The following ROPN1 variants were observed in gnomAD, a reference collection of about 807,000 sequenced individuals.
The protein encoded by ROPN1 is ropporin-1A.
In ROPN1, 14 loss-of-function variants were observed where a neutral mutation model predicts 20.5. The observed-to-expected ratio is 0.68, with a 90% CI of 0.45 to 1.07. ROPN1 has a LOEUF of 1.07. Ranked by LOEUF, ROPN1 falls within the 50% of genes least tolerant of loss-of-function variation. The pLI is 0.00. For synonymous variants in ROPN1, 76 were observed against 95.7 expected, an observed-to-expected ratio of 0.79 and a Z score of 1.20; for missense variants, 169 against 242.8, an observed-to-expected ratio of 0.70 and a Z score of 2.02.
At position 123,977,001 on chromosome 3, in the gene ROPN1, A is replaced by G. The variant is rs759973712; in HGVS notation, c.117-20T>C. 2.4e-5 allele frequency: 39 copies of G among 1,600,836 alleles called. No individual in the cohort carries two copies. Among genetic ancestry groups the G allele is most frequent in the Non-Finnish European group, 3.2e-5 (37 of 1,173,074 alleles). ...AAATAACTACAAGAAAAAAAGTCAG[A>G]GAGTAGGAGGATCCTATACACCAGT... On this transcript the variant is annotated intron_variant, in intron 2 of 5. Coordinates refer to ENST00000405845, the MANE Select transcript of ROPN1 (RefSeq NM_001317774.2).
intron 4 of ROPN1, chr3:123,974,979 G>C (rs534656816): frequency 4.2e-6 from 1 of 236,662 alleles, no homozygotes; most frequent in Non-Finnish European, 8.4e-6. Flanking sequence ...CATAGTTTTC[G>C]ATAAGATTGT....
At chr3:123,989,993 A>T (rs1290264830) in intron 1 of ROPN1, among the ~76,000 whole-genome samples, 1 of 152,180 alleles carries the variant, frequency 6.6e-6, no homozygotes, top group Non-Finnish European at 1.5e-5. Flanking sequence ...ATCATTAACA[A>T]TTCTTTATAT....
At chr3:123,986,018 A>AAAAAAAAAAAATAAAAAT (rs201340337) in intron 1 of ROPN1, among the ~76,000 whole-genome samples, 1 of 93,966 alleles carries the variant, frequency 1.1e-5, no homozygotes, top group East Asian at 4.9e-4. Flanking sequence ...AAAAAAAAAA[A>AAAAAAAAAAAATAAAAAT]TCAAAATATT....
chr3:123,975,841 A>C (rs1364004777), intron 3 of ROPN1: 4 of 371,912 alleles, frequency 1.1e-5, no homozygotes, highest in Non-Finnish European at 2.1e-5. Context: ...GTATTCCTAA[A>C]TTGTTTTATT....
chr3:123,979,261 G>A (rs1662436622), intron 2 of ROPN1: 2 of 352,932 alleles, frequency 5.7e-6, no homozygotes, highest in Non-Finnish European at 1.1e-5. Flanking sequence ...CCTCTTAGAT[G>A]CCATTTTGTG....
chr3:123,988,170 G>A (rs1414483836), intron 1 of ROPN1, among the ~76,000 whole-genome samples: 1 of 150,430 alleles, frequency 6.6e-6, no homozygotes, highest in African/African-American at 2.4e-5. Flanking sequence ...TTTTTAGATG[G>A]AGTCTTGCTC....
At chr3:123,982,045 C>T (rs1158352351) in intron 1 of ROPN1, among the ~76,000 whole-genome samples, 1 of 151,866 alleles carries the variant, frequency 6.6e-6, no homozygotes, top group Non-Finnish European at 1.5e-5. Flanking sequence ...CTTAAATGTG[C>T]CAGTTAAAAT....
chr3:123,990,418 T>C (rs1280116423), intron 1 of ROPN1, among the ~76,000 whole-genome samples: 1 of 152,166 alleles, frequency 6.6e-6, no homozygotes, highest in African/African-American at 2.4e-5. Flanking sequence ...GGTACCCTTG[T>C]AGAAATAGAA....
intron 3 of ROPN1, among the ~76,000 whole-genome samples, chr3:123,976,064 C>G (rs1478560267): frequency 6.6e-6 from 1 of 152,122 alleles, no homozygotes; most frequent in African/African-American, 2.4e-5. Context: ...GGTCTGGATG[C>G]CTAATGTTGC....
At chr3:123,979,570 G>A (rs951823684) in intron 2 of ROPN1, 68 of 377,806 alleles carry the variant, frequency 1.8e-4, no homozygotes, top group Admixed American at 2.7e-4. Context: ...TCTGTGCAAA[G>A]CTACTTCAAT....
At chr3:123,988,568 A>C (rs1476563848) in intron 1 of ROPN1, among the ~76,000 whole-genome samples, 1 of 152,130 alleles carries the variant, frequency 6.6e-6, no homozygotes, top group Non-Finnish European at 1.5e-5. Flanking sequence ...GGCCTTTTCC[A>C]AAGCAAAACA....
chr3:123,985,525 T>C (rs1349023342), intron 1 of ROPN1, among the ~76,000 whole-genome samples: 1 of 152,216 alleles, frequency 6.6e-6, no homozygotes, highest in Non-Finnish European at 1.5e-5. Context: ...TTTTTTCCCA[T>C]TGTGACTTGA....
At position 123,980,368 on chromosome 3, in the gene ROPN1, G is replaced by T. The variant is rs775022977; in HGVS notation, c.114C>A (p.Ala38=). The T allele has an allele frequency of 6.2e-7, 1 of 1,614,094 alleles. No individual in the cohort carries two copies. The highest frequency in any genetic ancestry group is 8.5e-7 in the Non-Finnish European group (1 of 1,179,982). ...GAAGGCGAGAAAGGAGCACGTACTC[G>T]GCTGCCCACTGGATGAGGTCCTGCG... The part of the protein sequence containing the change: ...VQPQDLIQWA[A]DYFEALSRGE... The change falls in exon 2 of 6, where the codon GCC becomes GCA. Residue 38 remains alanine, a splice_region_variant and synonymous_variant. Transcript: ENST00000405845.
chr3:123,974,284 T>G (rs999092861), intron 4 of ROPN1, among the ~76,000 whole-genome samples: 2 of 152,210 alleles, frequency 1.3e-5, no homozygotes, highest in Non-Finnish European at 2.9e-5. Flanking sequence ...TCTTCCTGTT[T>G]GTGATTTTCC....
chr3:123,974,232 C>A (rs1325845130), intron 4 of ROPN1, among the ~76,000 whole-genome samples: 1 of 152,186 alleles, frequency 6.6e-6, no homozygotes, highest in Non-Finnish European at 1.5e-5. Context: ...TGAAAAAAAT[C>A]TGTAACCCTA....
At chr3:123,986,237 CCTT>C (rs1007279138) in intron 1 of ROPN1, among the ~76,000 whole-genome samples, 2 of 151,128 alleles carry the variant, frequency 1.3e-5, no homozygotes, top group African/African-American at 4.8e-5. Flanking sequence ...CCTATAGTCT[CCTT>C]AAGTACTTTA....
chr3:123,974,223 G>GA (rs896186764), intron 4 of ROPN1, among the ~76,000 whole-genome samples: 6 of 152,060 alleles, frequency 3.9e-5, no homozygotes, highest in Admixed American at 3.3e-4. Context: ...AATGTGGTGT[G>GA]AAAAAAATCT....
At chr3:123,975,653 G>T in intron 3 of ROPN1, 113 bp from the exon 4 acceptor site, 1 of 691,606 alleles carries the variant, frequency 1.4e-6, no homozygotes, top group Non-Finnish European at 2.5e-6. Context: ...ATGGCAAGGG[G>T]CGGGAGGGGG....
At chr3:123,969,355 C>T in intron 5 of ROPN1, 134 bp from the exon 6 acceptor site, 1 of 791,456 alleles carries the variant, frequency 1.3e-6, no homozygotes, top group Non-Finnish European at 2.0e-6. Flanking sequence ...GTTTTGTTTT[C>T]TGAGACAGGG....
Sources: allele counts gnomAD v4.1 joint callset (sites outside exome capture counted in the v4.1 genomes callset), GRCh38; gene constraint gnomAD v4.1.1; transcripts MANE v1.5; gene names NCBI Gene and HGNC (gene_info 2026-07-23, HGNC 2026-07-21).